Variants in DNAAF9 observed in about 807,000 individuals in gnomAD.
DNAAF9 encodes shulin.
Under a neutral mutation model 167.0 loss-of-function variants are expected in DNAAF9, and 90 were observed. That is an observed-to-expected ratio of 0.54 (90% CI 0.45 to 0.64). DNAAF9 has a LOEUF of 0.64. Ranked by LOEUF, DNAAF9 falls within the 30% of genes least tolerant of loss-of-function variation. The probability of loss-of-function intolerance (pLI) is 0.00; values close to 1 mark genes in which losing one functional copy is unlikely to be tolerated. For synonymous variants in DNAAF9, 491 were observed against 508.8 expected (o/e 0.96, Z 0.47); for missense variants, 1,315 against 1,442.2 (o/e 0.91, Z 1.43).
chr20:3,361,273 G>A (rs975307704), intron 6 of DNAAF9, among the ~76,000 whole-genome samples: 4 of 152,164 alleles, frequency 2.6e-5, no homozygotes, highest in African/African-American at 9.7e-5. Flanking sequence ...AGAGGTGAGT[G>A]GAAGGGTTAC....
At chr20:3,377,401 T>C (rs2083590093) in intron 3 of DNAAF9, among the ~76,000 whole-genome samples, 2 of 152,200 alleles carry the variant, frequency 1.3e-5, no homozygotes, top group South Asian at 4.1e-4. Flanking sequence ...GGGTCTGCTA[T>C]CTGCTATGTG....
intron 3 of DNAAF9, among the ~76,000 whole-genome samples, chr20:3,379,623 T>C (rs993510271): frequency 6.6e-6 from 1 of 152,076 alleles, no homozygotes; most frequent in African/African-American, 2.4e-5. Context: ...CTTTTAGAAG[T>C]AAATTCATGT....
intron 6 of DNAAF9, among the ~76,000 whole-genome samples, chr20:3,372,471 T>C (rs1264304993): frequency 6.6e-6 from 1 of 152,256 alleles, no homozygotes; most frequent in Admixed American, 6.5e-5. Flanking sequence ...CCATCCCATT[T>C]CCTAAAAACA....
rs10522445 is a variant in DNAAF9 at position 3,394,949 on chromosome 20, C to CTTTTTTTTT, written c.84-12452_84-12444dup. On this transcript the variant is annotated intron_variant, in intron 1 of 36. Coordinates refer to ENST00000252032, the MANE Select transcript of DNAAF9 (RefSeq NM_001009984.3). ...GCTTTTACTGAACATTTTCTTTTTT[C>CTTTTTTTTT]TTTTTTTTTTTTTTTTTTTTTTTTT... Among the ~76,000 whole-genome samples the CTTTTTTTTT allele has an allele frequency of 7.0e-3, 712 of 102,054 alleles. 89 individuals are homozygous for CTTTTTTTTT. The highest frequency in any genetic ancestry group is 0.011 in the East Asian group (34 of 3,234). The allele number at this position is 102,054 out of a possible 152,430, so 67.0% of individuals were successfully genotyped here. A position where few individuals can be genotyped will look rare whatever the true frequency, so the allele number is the denominator to read the frequency against.
chr20:3,259,396 G>A (rs2068338639), intron 33 of DNAAF9, 84 bp downstream of exon 33: 1 of 914,072 alleles, frequency 1.1e-6, no homozygotes, highest in South Asian at 1.3e-5. Flanking sequence ...GTGGTCTGCA[G>A]AGCACCAGCA....
intron 1 of DNAAF9, among the ~76,000 whole-genome samples, chr20:3,386,478 A>G (rs13339901): frequency 0.045 from 6,825 of 152,318 alleles, 427 homozygotes; most frequent in East Asian, 0.16. Flanking sequence ...ATTAAAGCAT[A>G]GATCTAAATG....
chr20:3,325,881 T>C (rs1382131570), intron 13 of DNAAF9, among the ~76,000 whole-genome samples: 1 of 118,118 alleles, frequency 8.5e-6, no homozygotes, highest in Non-Finnish European at 1.9e-5. Flanking sequence ...GTTGTCTTTT[T>C]GGTTTTTTTT....
chr20:3,317,987 G>A (rs2069534976), intron 17 of DNAAF9, among the ~76,000 whole-genome samples: 1 of 152,018 alleles, frequency 6.6e-6, no homozygotes, highest in South Asian at 2.1e-4. Flanking sequence ...CGTCTGTGAA[G>A]TGCCTGTTCA....
intron 17 of DNAAF9, 113 bp from the exon 18 acceptor site, chr20:3,316,906 T>G: frequency 1.6e-6 from 1 of 637,164 alleles, no homozygotes; most frequent in East Asian, 2.9e-5. Context: ...TTTTTTTTTT[T>G]TTTTTTGAGA....
At position 3,343,861 on chromosome 20, in the gene DNAAF9, G is replaced by A. The variant is rs867181659; in HGVS notation, c.790-130C>T. On this transcript the variant is annotated intron_variant, in intron 8 of 36. Coordinates refer to ENST00000252032, the MANE Select transcript of DNAAF9 (RefSeq NM_001009984.3). Reference sequence around the variant, plus strand: ...ACAGCGTGTGTGTGTGTGTGTGTGCGTGTGTGCATGTGCGTGTGTGTGACA... The same window carrying A: ...ACAGCGTGTGTGTGTGTGTGTGTGCATGTGTGCATGTGCGTGTGTGTGACA... 27 of 590,186 alleles carry A rather than the reference G, an allele frequency of 4.6e-5. 2 individuals carry two copies. In the Middle Eastern group the frequency reaches 5.0e-3, roughly 109 times the overall value. The allele number at this position is 590,186 out of a possible 1,614,324, so 36.6% of individuals were successfully genotyped here. A position where few individuals can be genotyped will look rare whatever the true frequency, so the allele number is the denominator to read the frequency against.
rs918037661 is a variant in DNAAF9, at chr20:3,353,571, T to G, written c.691-4948A>C. On this transcript the variant is annotated intron_variant, in intron 7 of 36. Transcript: ENST00000252032. ...TGAGACTGGGAGGCAGAGGTTGCAG[T>G]GAGCCGAGATAGCACCACTGCACTC... 1.6e-4 allele frequency among the ~76,000 whole-genome samples: 24 copies of G among 150,596 alleles called. 1 individual carries two copies. Among genetic ancestry groups the G allele is most frequent in the Middle Eastern group, 3.4e-3 (1 of 292 alleles).
intron 36 of DNAAF9, among the ~76,000 whole-genome samples, chr20:3,253,335 G>A (rs543105968): frequency 6.6e-6 from 1 of 152,326 alleles, no homozygotes; most frequent in South Asian, 2.1e-4. Context: ...CAGCTACTCG[G>A]GAGGCTGAGG....
At chr20:3,356,458 C>G (rs75262425) in intron 7 of DNAAF9, among the ~76,000 whole-genome samples, 3,666 of 152,166 alleles carry the variant, frequency 0.024, 125 homozygotes, top group African/African-American at 0.074. Context: ...TTTAGATTTT[C>G]TATCTATCCT....
In DNAAF9 at chr20:3,315,117, C is replaced by T. The variant is rs185438403; in HGVS notation, c.1594G>A (p.Asp532Asn). 448 of 1,593,938 alleles carry T rather than the reference C, an allele frequency of 2.8e-4. 2 individuals carry two copies. In the Admixed American group the frequency reaches 6.8e-3, roughly 24 times the overall value. The part of the protein sequence containing the change: ...SEKTQQAVRG[D>N]ESFLGTYLTG... ...AGATAAGTGCCCAGGAAAGACTCAT[C>T]CCCCTTTAAAAACAACAACAAAAAC... is the stretch of plus-strand genomic sequence containing the variant. Residue 532 changes from aspartate to asparagine, a missense_variant, in exon 20 of 37, where the codon GAT becomes AAT. Asp to Asn is a conservative substitution (Grantham distance 23). Transcript: ENST00000252032. The surrounding 1 kb of genome is among the most constrained non-coding windows in gnomAD (Gnocchi z 4.1).
chr20:3,260,832 A>T (rs1186950443), intron 31 of DNAAF9, among the ~76,000 whole-genome samples: 1 of 152,190 alleles, frequency 6.6e-6, no homozygotes, highest in African/African-American at 2.4e-5. Context: ...AGGTTTTGCC[A>T]TGTTGGCCAG....
chr20:3,283,345 A>G (rs2068793811), intron 27 of DNAAF9, among the ~76,000 whole-genome samples: 1 of 152,208 alleles, frequency 6.6e-6, no homozygotes, highest in African/African-American at 2.4e-5. Flanking sequence ...CCTTGGCTTT[A>G]TCCCCAGACT....
At chr20:3,259,898 T>C in intron 32 of DNAAF9, 24 bp downstream of exon 32, 1 of 1,366,066 alleles carries the variant, frequency 7.3e-7, no homozygotes, top group Non-Finnish European at 1.0e-6. Flanking sequence ...TTCCAGTGTC[T>C]AGGACATCTC....
intron 36 of DNAAF9, among the ~76,000 whole-genome samples, 191 bp from the exon 37 acceptor site, chr20:3,252,875 C>T (rs1244586419): frequency 6.6e-6 from 1 of 152,198 alleles, no homozygotes; most frequent in Admixed American, 6.5e-5. Flanking sequence ...TGGCTGTTGT[C>T]ACAGGGATGT....
chr20:3,382,583 T>C (rs1342441703), intron 1 of DNAAF9, 77 bp from the exon 2 acceptor site: 8 of 1,113,178 alleles, frequency 7.2e-6, no homozygotes, highest in Non-Finnish European at 1.1e-5. Context: ...TGTCCCACAA[T>C]GGAGTCATGA....
Sources: gnomAD v4.1 joint callset for allele counts (sites outside exome capture counted in the v4.1 genomes callset) on GRCh38, gnomAD v4.1.1 for gene constraint, Gnocchi (gnomAD v3.1) non-coding constraint, MANE v1.5 for transcripts, NCBI Gene and HGNC (gene_info 2026-07-23, HGNC 2026-07-21) for gene names.